Variants in RBM20 observed in about 807,000 individuals in gnomAD.
RBM20 encodes RNA binding motif protein 20.
In RBM20, 51 loss-of-function variants were observed where a neutral mutation model predicts 110.1. The ratio of observed to expected loss-of-function variants is 0.46; its 90% CI spans 0.37 to 0.59. The LOEUF (loss-of-function observed/expected upper bound fraction) is 0.59. Among genes scored for constraint, RBM20 ranks in the 20% least tolerant of loss-of-function variants. RBM20 has a pLI of 0.00. For missense variants in RBM20, 1,512 were observed against 1,574.9 expected, an observed-to-expected ratio of 0.96 and a Z score of 0.68; for synonymous variants, 589 against 618.2, an observed-to-expected ratio of 0.95 and a Z score of 0.70.
At chr10:110,672,417 C>T (rs1240032413) in intron 1 of RBM20, among the ~76,000 whole-genome samples, 1 of 152,192 alleles carries the variant, frequency 6.6e-6, no homozygotes. Context: ...CTCCCCTCGC[C>T]GAGTGTCACC....
chr10:110,771,129 A>G (rs944147872), intron 1 of RBM20, among the ~76,000 whole-genome samples: 2 of 152,136 alleles, frequency 1.3e-5, no homozygotes, highest in African/African-American at 4.8e-5. Context: ...TGGAGCAGGC[A>G]TGTCCATGGA....
At chr10:110,783,498 C>A in intron 3 of RBM20, 71 bp downstream of exon 3, 1 of 1,252,978 alleles carries the variant, frequency 8.0e-7, no homozygotes, top group Non-Finnish European at 1.1e-6. Flanking sequence ...TACTGTGTGT[C>A]ACACGCTGTT....
intron 1 of RBM20, among the ~76,000 whole-genome samples, chr10:110,710,672 G>C (rs749366813): frequency 7.9e-5 from 12 of 152,240 alleles, no homozygotes; most frequent in Admixed American, 6.5e-4. Flanking sequence ...AAATGATGGG[G>C]CTTCCTTTTT....
At chr10:110,802,802 A>G (rs1844646299) in intron 7 of RBM20, among the ~76,000 whole-genome samples, 1 of 152,184 alleles carries the variant, frequency 6.6e-6, no homozygotes, top group Admixed American at 6.5e-5. Flanking sequence ...GGTGGGAGAA[A>G]AAGCAAATAA....
At chr10:110,810,792 TGC>T (rs151075303) in intron 8 of RBM20, among the ~76,000 whole-genome samples, 66 of 150,330 alleles carry the variant, frequency 4.4e-4, no homozygotes, top group African/African-American at 1.2e-3. Context: ...CTAAAAGTAA[TGC>T]GTGTGTGTGT....
chr10:110,742,204 C>G (rs563666046), intron 1 of RBM20, among the ~76,000 whole-genome samples: 3 of 152,340 alleles, frequency 2.0e-5, no homozygotes, highest in African/African-American at 7.2e-5. Flanking sequence ...TCTCTCCAGC[C>G]TGACTTTTCT....
chr10:110,822,597 G>A, intron 11 of RBM20: 1 of 403,048 alleles, frequency 2.5e-6, no homozygotes, highest in South Asian at 1.9e-5. Flanking sequence ...GGTTTGGGGG[G>A]AGGGAGAGAG....
chr10:110,682,892 T>G (rs1357785185), intron 1 of RBM20, among the ~76,000 whole-genome samples: 1 of 152,256 alleles, frequency 6.6e-6, no homozygotes, highest in Non-Finnish European at 1.5e-5. Flanking sequence ...AACAGTGATT[T>G]TCCATTTCAG....
rs942669292 is a variant in RBM20, at chr10:110,735,465, G to A, written c.192-45336G>A. Among the ~76,000 whole-genome samples the A allele has an allele frequency of 4.6e-5, 7 of 152,240 alleles. No homozygotes were observed. In the South Asian group the frequency reaches 8.3e-4, roughly 18 times the overall value. ...GTCTGCACACAAGCCTGTACCTTGC[G>A]CTTTTGTCCTGATTGAATAGTGTTC... On this transcript the variant is annotated intron_variant, in intron 1 of 13. Transcript: ENST00000369519.
chr10:110,727,399 C>CAAAAATAAA (rs1554893376), intron 1 of RBM20, among the ~76,000 whole-genome samples: 2 of 83,240 alleles, frequency 2.4e-5, no homozygotes, highest in African/African-American at 8.9e-5. Flanking sequence ...AAGTCCGTCT[C>CAAAAATAAA]AAAAAATAAA....
chr10:110,651,706 C>G (rs1861951703), intron 1 of RBM20, among the ~76,000 whole-genome samples: 1 of 152,204 alleles, frequency 6.6e-6, no homozygotes, highest in Non-Finnish European at 1.5e-5. Context: ...GACGCACAGT[C>G]AGTTGGCCGC....
At chr10:110,782,493 T>C (rs1240883225) in intron 2 of RBM20, among the ~76,000 whole-genome samples, 1 of 152,180 alleles carries the variant, frequency 6.6e-6, no homozygotes, top group Admixed American at 6.5e-5. Flanking sequence ...TGCAGTGAAA[T>C]ATTTTGAAGC....
At position 110,747,297 on chromosome 10, in the gene RBM20, G is replaced by A. The variant is rs11195300; in HGVS notation, c.192-33504G>A. Among the ~76,000 whole-genome samples the A allele has an allele frequency of 6.2e-5, 5 of 80,420 alleles. No homozygotes were observed. The East Asian group carries it at 1.1e-3, about 17-fold the overall frequency. The allele number at this position is 80,420 out of a possible 152,430, so 52.8% of individuals were successfully genotyped here. A position where few individuals can be genotyped will look rare whatever the true frequency, so the allele number is the denominator to read the frequency against. ...CATTGATTTTAAAAACTCTTTTTTT[G>A]GGGGGGGGGGTCATTCTGGCAGGGT... On this transcript the variant is annotated intron_variant, in intron 1 of 13. Transcript: ENST00000369519.
chr10:110,835,339 C>CTTTTTTTTTTTTTTTTTTTTTTTTTTTT (rs35808301), intron 13 of RBM20: 1 of 104,208 alleles, frequency 9.6e-6, no homozygotes, highest in Non-Finnish European at 2.1e-5. Context: ...TTTTTTTTTT[C>CTTTTTTTTTTTTTTTTTTTTTTTTTTTT]TTTTTTTTTT....
chr10:110,691,160 A>G (rs941789794), intron 1 of RBM20, among the ~76,000 whole-genome samples: 6 of 152,230 alleles, frequency 3.9e-5, no homozygotes, highest in African/African-American at 1.4e-4. Context: ...AGGAGAATAC[A>G]GTCCCAAGTT....
intron 1 of RBM20, among the ~76,000 whole-genome samples, chr10:110,734,805 G>A (rs1843653861): frequency 6.6e-6 from 1 of 151,818 alleles, no homozygotes; most frequent in Admixed American, 6.6e-5. Context: ...CATGCCCCCT[G>A]AATCTGCAAC....
intron 1 of RBM20, among the ~76,000 whole-genome samples, chr10:110,732,413 G>A (rs1352501841): frequency 1.3e-5 from 2 of 152,128 alleles, no homozygotes; most frequent in African/African-American, 2.4e-5. Flanking sequence ...GGATTTAGGG[G>A]AAATGTTTCC....
intron 9 of RBM20, 57 bp from the exon 10 acceptor site, chr10:110,820,015 C>T: frequency 4.5e-6 from 5 of 1,117,314 alleles, no homozygotes; most frequent in South Asian, 1.7e-5. Context: ...TTCTTTTTTT[C>T]TTCTCCCTGT....
chr10:110,814,285 T>C (rs1844812117), intron 9 of RBM20, among the ~76,000 whole-genome samples: 1 of 152,196 alleles, frequency 6.6e-6, no homozygotes, highest in Admixed American at 6.5e-5. Context: ...ACATAGTCCA[T>C]GTTACAGCAG....
Sources: allele counts gnomAD v4.1 joint callset (sites outside exome capture counted in the v4.1 genomes callset), GRCh38; gene constraint gnomAD v4.1.1; transcripts MANE v1.5; gene names NCBI Gene and HGNC (gene_info 2026-07-23, HGNC 2026-07-21).